Variants in COL26A1 observed in about 807,000 individuals in gnomAD.
COL26A1 encodes the protein collagen type XXVI alpha 1 chain.
COL26A1 carries 41 observed loss-of-function variants against 59.3 expected under a neutral mutation model. That is an observed-to-expected ratio of 0.69 (90% CI 0.54 to 0.90). COL26A1 has a LOEUF of 0.90. Ranked by LOEUF, COL26A1 falls within the 40% of genes least tolerant of loss-of-function variation. The pLI is 0.00. For missense variants in COL26A1, 612 were observed against 602.3 expected (o/e 1.02, Z -0.17); for synonymous variants, 266 against 256.0 (o/e 1.04, Z -0.37).
chr7:101,479,519 C>A (rs889749278), intron 3 of COL26A1, among the ~76,000 whole-genome samples: 1 of 152,054 alleles, frequency 6.6e-6, no homozygotes, highest in Non-Finnish European at 1.5e-5. Flanking sequence ...TAATTCATTC[C>A]TTTTCTTTGG....
At chr7:101,479,071 C>T (rs1469685926) in intron 3 of COL26A1, among the ~76,000 whole-genome samples, 2 of 152,204 alleles carry the variant, frequency 1.3e-5, no homozygotes, top group Admixed American at 6.5e-5. Context: ...CAGGGACTAC[C>T]TTTGAATCCT....
intron 3 of COL26A1, among the ~76,000 whole-genome samples, chr7:101,502,272 G>T (rs2130561976): frequency 6.6e-6 from 1 of 152,262 alleles, no homozygotes; most frequent in South Asian, 2.1e-4. Flanking sequence ...AATCTGGGAG[G>T]CGAAAGTTGC....
chr7:101,466,837 T>TGTGTGTGTGAGTGAGA (rs764059657), intron 3 of COL26A1, among the ~76,000 whole-genome samples: 3 of 122,642 alleles, frequency 2.4e-5, no homozygotes, highest in Non-Finnish European at 5.2e-5. Flanking sequence ...TGTGTGTGTG[T>TGTGTGTGTGAGTGAGA]GAGAGAGAGA....
intron 1 of COL26A1, among the ~76,000 whole-genome samples, chr7:101,403,349 T>A (rs185783650): frequency 6.6e-6 from 1 of 152,122 alleles, no homozygotes; most frequent in Admixed American, 6.6e-5. Flanking sequence ...CTCTACTAAG[T>A]CTCTACTAAA....
At chr7:101,519,497 T>G (rs1795096509) in intron 3 of COL26A1, among the ~76,000 whole-genome samples, 1 of 152,202 alleles carries the variant, frequency 6.6e-6, no homozygotes, top group Non-Finnish European at 1.5e-5. Context: ...CGGGCCCTGC[T>G]GGTGGCTCCC....
At chr7:101,495,996 A>T (rs1794577858) in intron 3 of COL26A1, among the ~76,000 whole-genome samples, 1 of 152,064 alleles carries the variant, frequency 6.6e-6, no homozygotes, top group Non-Finnish European at 1.5e-5. Flanking sequence ...CAAGAGGATC[A>T]CTTGAGCCCA....
At position 101,555,807 on chromosome 7, in the gene COL26A1, G is replaced by A. The variant is rs780166266; in HGVS notation, c.1101G>A (p.Leu367=). 13 of 1,611,162 alleles carry A rather than the reference G, an allele frequency of 8.1e-6. No individual in the cohort carries two copies. The highest frequency in any genetic ancestry group is 1.7e-4 in the Middle Eastern group (1 of 6,058). ...ATAEGEGVQQ[L]REALKILAER... is the part of the protein sequence containing the mutation. Reference sequence around the variant, plus strand: ...GCCAGGGCGAGGGGGTGCAGCAGCTGAGAGAGGCCCTGAAGATCCTGGCAG... The same window carrying A: ...GCCAGGGCGAGGGGGTGCAGCAGCTAAGAGAGGCCCTGAAGATCCTGGCAG... The change falls in exon 12 of 13, where the codon CTG becomes CTA. Residue 367 remains leucine, a synonymous_variant. Coordinates refer to ENST00000313669, the MANE Select transcript of COL26A1 (RefSeq NM_001278563.3).
At chr7:101,434,848 G>T (rs1792877807) in intron 2 of COL26A1, among the ~76,000 whole-genome samples, 1 of 152,286 alleles carries the variant, frequency 6.6e-6, no homozygotes, top group Admixed American at 6.5e-5. Context: ...CCAGGAACTA[G>T]TGTGTAGAGA....
intron 3 of COL26A1, among the ~76,000 whole-genome samples, chr7:101,529,786 A>G (rs530638633): frequency 2.2e-4 from 33 of 152,262 alleles, no homozygotes; most frequent in Admixed American, 9.2e-4. Flanking sequence ...GTAATATTCT[A>G]CAGTGTATAT....
At chr7:101,495,239 C>T (rs67761326) in intron 3 of COL26A1, among the ~76,000 whole-genome samples, 21,290 of 152,128 alleles carry the variant, frequency 0.14, 1,966 homozygotes, top group South Asian at 0.21. Context: ...CCAGGATGTC[C>T]GGCAGAACAG....
chr7:101,376,091 A>G (rs1284053123), intron 1 of COL26A1, among the ~76,000 whole-genome samples: 4 of 151,144 alleles, frequency 2.6e-5, no homozygotes, highest in Non-Finnish European at 4.4e-5. Flanking sequence ...ACTTGAGCCC[A>G]GAAGCATGAG....
At chr7:101,437,024 A>G (rs1000013976) in intron 2 of COL26A1, among the ~76,000 whole-genome samples, 4 of 152,138 alleles carry the variant, frequency 2.6e-5, no homozygotes, top group African/African-American at 7.2e-5. Flanking sequence ...GACTGCATCC[A>G]GGCACCCTGT....
chr7:101,387,739 TA>T (rs1481921831), intron 1 of COL26A1, among the ~76,000 whole-genome samples: 1 of 101,676 alleles, frequency 9.8e-6, no homozygotes, highest in African/African-American at 4.6e-5. Flanking sequence ...AATATAATTA[TA>T]TATATATATA....
intron 1 of COL26A1, among the ~76,000 whole-genome samples, chr7:101,385,329 CTAAA>C (rs1318796805): frequency 1.4e-5 from 2 of 143,368 alleles, no homozygotes; most frequent in African/African-American, 5.0e-5. Flanking sequence ...ATACTCGACA[CTAAA>C]TATGTATATA....
chr7:101,531,162 G>A (rs905973562), intron 3 of COL26A1, among the ~76,000 whole-genome samples: 3 of 151,934 alleles, frequency 2.0e-5, no homozygotes, highest in South Asian at 2.1e-4. Flanking sequence ...TAGTAGAGAC[G>A]GGGTTTCACC....
intron 3 of COL26A1, among the ~76,000 whole-genome samples, chr7:101,473,667 A>AAAAAAC (rs200560582): frequency 8.3e-5 from 12 of 144,546 alleles, no homozygotes; most frequent in South Asian, 4.3e-4. Flanking sequence ...CACACACAAC[A>AAAAAAC]AAAAACAAAA....
At chr7:101,424,724 C>G (rs1047692492) in intron 2 of COL26A1, among the ~76,000 whole-genome samples, 1 of 152,272 alleles carries the variant, frequency 6.6e-6, no homozygotes, top group East Asian at 1.9e-4. Context: ...GCTGTCTGGG[C>G]AGGGAGAGGC....
intron 7 of COL26A1, among the ~76,000 whole-genome samples, 157 bp from the exon 8 acceptor site, chr7:101,546,999 C>T (rs1795749328): frequency 6.6e-6 from 1 of 152,196 alleles, no homozygotes; most frequent in African/African-American, 2.4e-5. Context: ...CTCCTCTGAG[C>T]AGTGGGGGCA....
At chr7:101,461,145 T>G (rs568670986) in intron 3 of COL26A1, among the ~76,000 whole-genome samples, 4 of 152,138 alleles carry the variant, frequency 2.6e-5, no homozygotes, top group East Asian at 1.9e-4. Flanking sequence ...CCAGCAATTT[T>G]TTTTGTTTTG....
Sources: gnomAD v4.1 joint callset for allele counts (sites outside exome capture counted in the v4.1 genomes callset) on GRCh38, gnomAD v4.1.1 for gene constraint, MANE v1.5 for transcripts, NCBI Gene and HGNC (gene_info 2026-07-23, HGNC 2026-07-21) for gene names.